The following VPS37A variants were observed in gnomAD, a reference collection of about 807,000 sequenced individuals.
VPS37A encodes VPS37A subunit of ESCRT-I, also known as vacuolar protein sorting-associated protein 37A.
A neutral mutation model predicts 49.8 loss-of-function variants in VPS37A; 30 were observed. The observed-to-expected ratio is 0.60, with a 90% CI of 0.45 to 0.82. VPS37A has a LOEUF of 0.82. Ranked by LOEUF, VPS37A falls within the 40% of genes least tolerant of loss-of-function variation. VPS37A has a pLI of 0.00. For synonymous variants in VPS37A, 195 were observed against 160.6 expected, an observed-to-expected ratio of 1.21 and a Z score of -1.62; for missense variants, 593 against 464.4, an observed-to-expected ratio of 1.28 and a Z score of -2.55.
At chr8:17,272,418 A>G (rs1814080300) in intron 4 of VPS37A, among the ~76,000 whole-genome samples, 1 of 152,136 alleles carries the variant, frequency 6.6e-6, no homozygotes, top group African/African-American at 2.4e-5. Context: ...CCATACCTCT[A>G]TCTTCTGTAG....
At chr8:17,292,234 T>A (rs1816221664) in intron 11 of VPS37A, among the ~76,000 whole-genome samples, 1 of 152,204 alleles carries the variant, frequency 6.6e-6, no homozygotes, top group South Asian at 2.1e-4. Flanking sequence ...CCCTTCTTTG[T>A]CTTTTTTGGT....
chr8:17,252,839 C>CTT (rs1464345656), intron 1 of VPS37A, among the ~76,000 whole-genome samples: 1 of 152,192 alleles, frequency 6.6e-6, no homozygotes, highest in Non-Finnish European at 1.5e-5. Context: ...TCTGTTATGC[C>CTT]TTAGCCCATT....
rs559779012 is a variant in VPS37A at position 17,276,626 on chromosome 8, C to T, written c.713+159C>T. 6.6e-5 allele frequency among the ~76,000 whole-genome samples: 10 copies of T among 152,090 alleles called. No homozygotes were observed. In the East Asian group the frequency reaches 1.9e-3, roughly 29 times the overall value. ...GGGATTTAAAAATCAGTTTTAGGTC[C>T]TATAGGTTACATTTATTGAGTGACT... On this transcript the variant is annotated intron_variant, in intron 6 of 11. Coordinates refer to ENST00000324849, the MANE Select transcript of VPS37A (RefSeq NM_152415.3).
rs1469088218 is a variant in VPS37A at position 17,254,505 on chromosome 8, TC to T, written c.125+7142del. 1.1e-4 allele frequency among the ~76,000 whole-genome samples: 16 copies of T among 152,294 alleles called. No homozygotes were observed. In the South Asian group the frequency reaches 3.1e-3, roughly 30 times the overall value. On this transcript the variant is annotated intron_variant, in intron 1 of 11. Coordinates refer to ENST00000324849, the MANE Select transcript of VPS37A (RefSeq NM_152415.3). ...GAGAAATGCTCCTGACCTGCCTTCT[TC>T]CCCCCAAACTCTTAGTTTGCATTGA...
chr8:17,259,010 T>TA (rs1812739334), intron 1 of VPS37A, among the ~76,000 whole-genome samples: 1 of 152,088 alleles, frequency 6.6e-6, no homozygotes, highest in Non-Finnish European at 1.5e-5. Context: ...TTCATCTAGC[T>TA]AAAGGCTTGA....
At chr8:17,322,950 C>CTTTTTTTTTTTTT in the VPS37A span, among the ~76,000 whole-genome samples, 1 of 125,776 alleles carries the variant, frequency 8.0e-6, no homozygotes, top group African/African-American at 3.1e-5. Context: ...ATTGAATTAT[C>CTTTTTTTTTTTTT]TTTTTTTTTT....
chr8:17,247,355 G>A lies in VPS37A; in HGVS notation c.111G>A (p.Arg37=), dbSNP rs944796737. The A allele has an allele frequency of 3.1e-6, 4 of 1,302,866 alleles. No individual in the cohort carries two copies. Among genetic ancestry groups the A allele is most frequent in the Non-Finnish European group, 3.0e-6 (3 of 999,424 alleles). 80.7% of individuals were successfully genotyped at this position (1,302,866 alleles called of 1,614,324 possible). A position where few individuals can be genotyped will look rare whatever the true frequency, so the allele number is the denominator to read the frequency against. The change falls in exon 1 of 12, where the codon CGG becomes CGA. Residue 37 remains arginine, a synonymous_variant. Transcript: ENST00000324849. ...QQKQRLIESL[R]NSHSSIAEIQ... is the part of the protein sequence containing the mutation. ...AGCAGCGCCTGATCGAGTCCCTCCG[G>A]AACTCACACTCCAGGTGACTGGTCG...
chr8:17,273,145 T>G (rs1308856245), intron 4 of VPS37A, among the ~76,000 whole-genome samples: 1 of 151,338 alleles, frequency 6.6e-6, no homozygotes, highest in Non-Finnish European at 1.5e-5. Flanking sequence ...AAGTATTTGT[T>G]TTATGGGTGT....
chr8:17,257,185 C>T (rs966822655), intron 1 of VPS37A, among the ~76,000 whole-genome samples: 3 of 152,106 alleles, frequency 2.0e-5, no homozygotes, highest in Non-Finnish European at 4.4e-5. Context: ...AAAACATCAT[C>T]CTTTCTCCGT....
At chr8:17,257,108 G>C (rs1301189038) in intron 1 of VPS37A, among the ~76,000 whole-genome samples, 1 of 152,130 alleles carries the variant, frequency 6.6e-6, no homozygotes, top group Non-Finnish European at 1.5e-5. Flanking sequence ...TTTGTGTATG[G>C]TAAGAGATAG....
At chr8:17,306,721 A>T (rs1299153450), downstream of VPS37A, among the ~76,000 whole-genome samples, 1 of 152,196 alleles carries the variant, frequency 6.6e-6, no homozygotes, top group East Asian at 1.9e-4. Flanking sequence ...ATGAGCAATG[A>T]TCAGTTTTAG....
the VPS37A span, among the ~76,000 whole-genome samples, chr8:17,324,467 C>T: frequency 6.6e-6 from 1 of 152,188 alleles, no homozygotes; most frequent in African/African-American, 2.4e-5. Flanking sequence ...TCCATTCCAC[C>T]GCACATGCAT....
At chr8:17,331,070 A>G in the VPS37A span, 1 of 1,501,986 alleles carries the variant, frequency 6.7e-7, no homozygotes, top group East Asian at 2.4e-5. Context: ...AAAACATTTT[A>G]AAATCAAGAC....
At chr8:17,275,761 C>T (rs773738180) in intron 5 of VPS37A, among the ~76,000 whole-genome samples, 1 of 152,178 alleles carries the variant, frequency 6.6e-6, no homozygotes, top group Non-Finnish European at 1.5e-5. Flanking sequence ...CATAGCATTA[C>T]TCAAGTATGA....
At chr8:17,332,992 G>C in the VPS37A span, among the ~76,000 whole-genome samples, 1 of 152,110 alleles carries the variant, frequency 6.6e-6, no homozygotes, top group Non-Finnish European at 1.5e-5. Flanking sequence ...GAGCATATAT[G>C]AAGTTTGTAA....
At chr8:17,315,921 G>A in the VPS37A span, among the ~76,000 whole-genome samples, 2 of 152,204 alleles carry the variant, frequency 1.3e-5, no homozygotes, top group Non-Finnish European at 2.9e-5. Context: ...GCTGAGTTGA[G>A]AGGATCACTT....
chr8:17,321,554 C>T, the VPS37A span, among the ~76,000 whole-genome samples: 5 of 152,162 alleles, frequency 3.3e-5, no homozygotes, highest in African/African-American at 9.7e-5. Context: ...TAGACATGGG[C>T]AGATGGGGAT....
At chr8:17,315,258 TATG>T in the VPS37A span, among the ~76,000 whole-genome samples, 1 of 152,186 alleles carries the variant, frequency 6.6e-6, no homozygotes, top group Non-Finnish European at 1.5e-5. Context: ...CTACATATTA[TATG>T]ATGTCAACTA....
chr8:17,268,798 G>T, intron 3 of VPS37A, 58 bp from the exon 4 acceptor site: 1 of 1,162,098 alleles, frequency 8.6e-7, no homozygotes. Flanking sequence ...TTATCCTAAT[G>T]AGACTTTATA....
Sources: gnomAD v4.1 joint callset for allele counts (sites outside exome capture counted in the v4.1 genomes callset) on GRCh38, gnomAD v4.1.1 for gene constraint, MANE v1.5 for transcripts, NCBI Gene and HGNC (gene_info 2026-07-23, HGNC 2026-07-21) for gene names.